Variants in CNTNAP2 observed in about 807,000 individuals in gnomAD.
The protein encoded by CNTNAP2 is contactin-associated protein-like 2.
CNTNAP2 carries 98 observed loss-of-function variants against 155.2 expected under a neutral mutation model. The observed-to-expected ratio is 0.63, with a 90% confidence interval of 0.54 to 0.75. The LOEUF (loss-of-function observed/expected upper bound fraction) is 0.75, where lower values mean the gene tolerates loss of function less well. Ranked by LOEUF, CNTNAP2 falls within the 30% of genes least tolerant of loss-of-function variation. CNTNAP2 has a pLI of 0.00. For missense variants in CNTNAP2, 1,727 were observed against 1,688.1 expected, an observed-to-expected ratio of 1.02 and a Z score of -0.40; for synonymous variants, 651 against 631.2, an observed-to-expected ratio of 1.03 and a Z score of -0.47.
chr7:147,316,945 C>T (rs1357241301), intron 9 of CNTNAP2, among the ~76,000 whole-genome samples: 1 of 152,166 alleles, frequency 6.6e-6, no homozygotes, highest in Non-Finnish European at 1.5e-5. Context: ...TTTATAATTG[C>T]ATTCTCCTAG....
intron 1 of CNTNAP2, among the ~76,000 whole-genome samples, chr7:146,329,058 A>T (rs1163088289): frequency 6.6e-6 from 1 of 152,170 alleles, no homozygotes; most frequent in East Asian, 1.9e-4. Flanking sequence ...CAGAAGTAGG[A>T]TTGCTAGACC....
At chr7:146,298,258 G>T (rs1436212624) in intron 1 of CNTNAP2, among the ~76,000 whole-genome samples, 3 of 152,150 alleles carry the variant, frequency 2.0e-5, no homozygotes, top group Admixed American at 6.6e-5. Flanking sequence ...ATTGTTCTGT[G>T]TTTCTTCACG....
intron 4 of CNTNAP2, among the ~76,000 whole-genome samples, chr7:147,074,217 CCATCTGCTCTTCCAT>C (rs1799952842): frequency 6.6e-6 from 1 of 152,022 alleles, no homozygotes; most frequent in African/African-American, 2.4e-5. Flanking sequence ...CTGGAGATCT[CCATCTGCTCTTCCAT>C]TTATCATCTG....
chr7:147,930,407 G>A (rs1472755809), intron 14 of CNTNAP2, among the ~76,000 whole-genome samples: 2 of 152,096 alleles, frequency 1.3e-5, no homozygotes, highest in Non-Finnish European at 2.9e-5. Context: ...CTATGCAAAT[G>A]GCAACCAAAA....
chr7:148,037,863 T>C (rs1242107864), intron 15 of CNTNAP2, among the ~76,000 whole-genome samples: 1 of 152,216 alleles, frequency 6.6e-6, no homozygotes, highest in Non-Finnish European at 1.5e-5. Context: ...AGCTTTACAA[T>C]GGTGGGACAG....
At position 147,315,254 on chromosome 7, in the gene CNTNAP2, A is replaced by G. The variant is rs963995929; in HGVS notation, c.1498+14964A>G. Among the ~76,000 whole-genome samples, 19 of 144,842 alleles carry G rather than the reference A, an allele frequency of 1.3e-4. 1 individual carries two copies. Among genetic ancestry groups the G allele is most frequent in the African/African-American group, 4.9e-4 (19 of 39,162 alleles). ...TATTGGCCAAGAAATCATATGCTAT[A>G]AAATTCACCATTTAAAGTGAATAAC... On this transcript the variant is annotated intron_variant, in intron 9 of 23. Coordinates refer to ENST00000361727, the MANE Select transcript of CNTNAP2 (RefSeq NM_014141.6).
At chr7:147,351,801 T>C (rs189092917) in intron 9 of CNTNAP2, among the ~76,000 whole-genome samples, 36 of 151,954 alleles carry the variant, frequency 2.4e-4, no homozygotes, top group African/African-American at 8.7e-4. Flanking sequence ...TCTTCAATGG[T>C]AGCTAAAGAG....
chr7:146,245,706 T>C (rs948090749), intron 1 of CNTNAP2, among the ~76,000 whole-genome samples: 7 of 152,036 alleles, frequency 4.6e-5, no homozygotes, highest in African/African-American at 1.7e-4. Flanking sequence ...CAGATGAGGA[T>C]GAAGTTTGGG....
At chr7:148,070,850 T>C (rs1803368254) in intron 15 of CNTNAP2, among the ~76,000 whole-genome samples, 1 of 152,232 alleles carries the variant, frequency 6.6e-6, no homozygotes, top group Non-Finnish European at 1.5e-5. Flanking sequence ...AAACATTTCT[T>C]ATTTCTGAGC....
chr7:147,013,038 A>G lies in CNTNAP2; in HGVS notation c.403-30869A>G, dbSNP rs190994172. ...TTTAAAACCATTTTGACCCCCCAAA[A>G]TGACAAACAAGCATAATCCAAATAT... On this transcript the variant is annotated intron_variant, in intron 3 of 23. Coordinates refer to ENST00000361727, the MANE Select transcript of CNTNAP2 (RefSeq NM_014141.6). Among the ~76,000 whole-genome samples, 499 of 152,268 alleles carry G rather than the reference A, an allele frequency of 3.3e-3. 1 individual carries two copies. The highest frequency in any genetic ancestry group is 0.011 in the African/African-American group (472 of 41,568).
At chr7:146,765,469 CCTTG>C (rs1188577139) in intron 1 of CNTNAP2, among the ~76,000 whole-genome samples, 2 of 152,128 alleles carry the variant, frequency 1.3e-5, no homozygotes, top group Non-Finnish European at 2.9e-5. Context: ...AAGCACTTTG[CCTTG>C]CTTGCTTTTA....
chr7:146,713,168 A>T (rs1375736790), intron 1 of CNTNAP2, among the ~76,000 whole-genome samples: 1 of 152,204 alleles, frequency 6.6e-6, no homozygotes, highest in Non-Finnish European at 1.5e-5. Flanking sequence ...TCAAAAAGAT[A>T]CAGTACAAAA....
intron 14 of CNTNAP2, among the ~76,000 whole-genome samples, chr7:147,905,093 C>G (rs908143566): frequency 6.6e-6 from 1 of 152,198 alleles, no homozygotes; most frequent in African/African-American, 2.4e-5. Flanking sequence ...CTTCTAGGCA[C>G]TGGGGATAAA....
At chr7:147,478,509 T>C (rs1255222409) in intron 10 of CNTNAP2, among the ~76,000 whole-genome samples, 2 of 152,184 alleles carry the variant, frequency 1.3e-5, no homozygotes, top group Non-Finnish European at 2.9e-5. Context: ...TCCAGAATTA[T>C]ATTTCTCTGT....
At chr7:146,315,913 G>T (rs1297544509) in intron 1 of CNTNAP2, among the ~76,000 whole-genome samples, 1 of 152,096 alleles carries the variant, frequency 6.6e-6, no homozygotes, top group Non-Finnish European at 1.5e-5. Flanking sequence ...AAACTAAAAA[G>T]TGCTTATAAT....
intron 10 of CNTNAP2, among the ~76,000 whole-genome samples, chr7:147,472,785 A>G (rs929520054): frequency 3.9e-5 from 6 of 152,224 alleles, no homozygotes; most frequent in Non-Finnish European, 8.8e-5. Flanking sequence ...TCATGGTGCC[A>G]TGAACTGTGA....
At chr7:148,289,579 ACT>A (rs1797154014) in intron 21 of CNTNAP2, among the ~76,000 whole-genome samples, 1 of 61,064 alleles carries the variant, frequency 1.6e-5, no homozygotes, top group South Asian at 8.9e-4. Flanking sequence ...ACACACTCAC[ACT>A]CACACACACA....
chr7:146,769,475 TAGTC>T (rs1044589313), intron 1 of CNTNAP2, among the ~76,000 whole-genome samples: 7 of 152,206 alleles, frequency 4.6e-5, no homozygotes, highest in African/African-American at 2.4e-5. Context: ...TATATTGTAA[TAGTC>T]AGTATGGCAA....
intron 11 of CNTNAP2, among the ~76,000 whole-genome samples, chr7:147,506,691 T>A (rs1256100726): frequency 6.6e-6 from 1 of 152,214 alleles, no homozygotes; most frequent in Non-Finnish European, 1.5e-5. Flanking sequence ...TGTGACTTGT[T>A]TAACCTAATG....
Sources: allele counts gnomAD v4.1 joint callset (sites outside exome capture counted in the v4.1 genomes callset), GRCh38; gene constraint gnomAD v4.1.1; transcripts MANE v1.5; gene names NCBI Gene and HGNC (gene_info 2026-07-23, HGNC 2026-07-21).